OPTN: variants seen among roughly 807,000 people sequenced by gnomAD.
OPTN encodes the protein optineurin.
Under a neutral mutation model 70.4 loss-of-function variants are expected in OPTN, and 54 were observed. The observed-to-expected ratio is 0.77, with a 90% confidence interval of 0.62 to 0.96. The LOEUF is 0.96. OPTN is among the 40% of genes least tolerant of loss of function. OPTN has a pLI of 0.00. For synonymous variants in OPTN, 256 were observed against 248.5 expected, an observed-to-expected ratio of 1.03 and a Z score of -0.28; for missense variants, 624 against 673.2, an observed-to-expected ratio of 0.93 and a Z score of 0.81.
At chr10:13,115,255 A>G (rs1158165593) in intron 5 of OPTN, among the ~76,000 whole-genome samples, 1 of 107,972 alleles carries the variant, frequency 9.3e-6, no homozygotes. Context: ...ATCTATATTT[A>G]TATCTATATT....
intron 1 of OPTN, among the ~76,000 whole-genome samples, chr10:13,102,817 C>T (rs1442287345): frequency 6.6e-6 from 1 of 152,070 alleles, no homozygotes; most frequent in African/African-American, 2.4e-5. Context: ...GTGGCATGCA[C>T]CTGTAATCCC....
intron 1 of OPTN, among the ~76,000 whole-genome samples, chr10:13,105,058 C>G (rs1435307949): frequency 6.6e-6 from 1 of 151,988 alleles, no homozygotes; most frequent in Non-Finnish European, 1.5e-5. Flanking sequence ...CCTTGGCTTC[C>G]CAAAGTGCTG....
At position 13,137,159 on chromosome 10, in the gene OPTN, G is replaced by A; in HGVS notation, c.*293G>A. The A allele has an allele frequency of 2.3e-6, 1 of 442,622 alleles. No homozygotes were observed. Among genetic ancestry groups the A allele is most frequent in the Non-Finnish European group, 4.2e-6 (1 of 235,742 alleles). The allele number at this position is 442,622 out of a possible 1,614,324, so 27.4% of individuals were successfully genotyped here. Reference sequence around the variant, plus strand: ...CCGAGCATGGTGGCGCATGCCTGTAGTCGCAGCTACTCGCGAGGTTGAGGC... The same window carrying A: ...CCGAGCATGGTGGCGCATGCCTGTAATCGCAGCTACTCGCGAGGTTGAGGC... On this transcript the variant is annotated 3_prime_UTR_variant, in exon 15 of 15. Transcript: ENST00000378747.
intron 5 of OPTN, among the ~76,000 whole-genome samples, chr10:13,113,026 T>C (rs1230639110): frequency 1.3e-5 from 2 of 152,072 alleles, no homozygotes; most frequent in Non-Finnish European, 2.9e-5. Context: ...AACAGAACCC[T>C]CTTTTTTTGT....
Position 13,125,506 on chromosome 10 carries a change from C to A in OPTN, c.1087C>A (p.Leu363Ile). ...TGTTTATACTAACAAAAAGTTAGAG[C>A]TACAAGTGGAAAGCATGCTATCAGA... ...ELVYTNKKLE[L>I]QVESMLSEIK... is the part of the protein sequence containing the mutation. The change falls in exon 10 of 15, where the codon CTA becomes ATA. Residue 363 changes from leucine (L) to isoleucine (I), a missense_variant. Coordinates refer to ENST00000378747, the MANE Select transcript of OPTN (RefSeq NM_001008212.2). The A allele has an allele frequency of 6.2e-7, 1 of 1,613,990 alleles. No individual in the cohort carries two copies. The highest frequency in any genetic ancestry group is 2.2e-5 in the East Asian group (1 of 44,872).
rs113811959 is a variant in OPTN, at chr10:13,112,572, A to T, written c.489A>T (p.Glu163Asp). 7 of 1,614,006 alleles carry T rather than the reference A, an allele frequency of 4.3e-6. No individual in the cohort carries two copies. Among genetic ancestry groups the T allele is most frequent in the African/African-American group, 1.3e-5 (1 of 74,902 alleles). The change falls in exon 5 of 15, where the codon GAA becomes GAT. Residue 163 changes from glutamate (E) to aspartate (D), a missense_variant. Physicochemically the swap from Glu to Asp is conservative, Grantham distance 45 (BLOSUM62 2). Coordinates refer to ENST00000378747, the MANE Select transcript of OPTN (RefSeq NM_001008212.2). Reference sequence around the variant, plus strand: ...CAGACCTGTTGGGCATCGTGTCTGAACTGCAGCTCAAGCTGAACTCCAGCG... The same window carrying T: ...CAGACCTGTTGGGCATCGTGTCTGATCTGCAGCTCAAGCTGAACTCCAGCG... The part of the protein sequence containing the change: ...EKADLLGIVS[E>D]LQLKLNSSGS...
At position 13,114,323 on chromosome 10, in the gene OPTN, A is replaced by T. The variant is rs1833074685; in HGVS notation, c.552+1688A>T. Among the ~76,000 whole-genome samples, 3 of 152,156 alleles carry T rather than the reference A, an allele frequency of 2.0e-5. No homozygotes were observed. In the South Asian group the frequency reaches 6.2e-4, roughly 32 times the overall value. ...CCAAAATCAAGATAATTAAAATGTCAATTGAAAAGCGTATTTTGCCAGAGT... is the reference window on the plus strand; with the variant it reads ...CCAAAATCAAGATAATTAAAATGTCTATTGAAAAGCGTATTTTGCCAGAGT... On this transcript the variant is annotated intron_variant, in intron 5 of 14. Coordinates refer to ENST00000378747, the MANE Select transcript of OPTN (RefSeq NM_001008212.2).
rs1407201523 is a variant in OPTN, at chr10:13,112,461, T to G, written c.378T>G (p.Thr126=). 6.2e-7 allele frequency: 1 copy of G among 1,614,006 alleles called. No homozygotes were observed. Among genetic ancestry groups the G allele is most frequent in the Non-Finnish European group, 8.5e-7 (1 of 1,180,002 alleles). The part of the protein sequence containing the change: ...GKSERSSEDP[T]DDSRLPRAEA... ...CTCCTTGTCATCTCCAGGACCCCAC[T>G]GATGACTCCAGGCTTCCCAGGGCCG... The change falls in exon 5 of 15, where the codon ACT becomes ACG. Residue 126 remains threonine, a synonymous_variant. Transcript: ENST00000378747.
intron 5 of OPTN, among the ~76,000 whole-genome samples, chr10:13,113,402 G>A (rs1195748584): frequency 6.6e-6 from 1 of 152,202 alleles, no homozygotes; most frequent in East Asian, 1.9e-4. Context: ...AAAAGAAAGA[G>A]CAGAACTGCT....
In OPTN at chr10:13,114,248, A is replaced by C. The variant is rs571586582; in HGVS notation, c.552+1613A>C. Among the ~76,000 whole-genome samples the C allele has an allele frequency of 2.6e-5, 4 of 152,254 alleles. No homozygotes were observed. In the South Asian group the frequency reaches 8.3e-4, roughly 32 times the overall value. ...TTTATTTGCTGCAATAGAGTTAGGA[A>C]ACAGCTCTGAATAACCCTGCCATCC... On this transcript the variant is annotated intron_variant, in intron 5 of 14. Transcript: ENST00000378747.
intron 14 of OPTN, among the ~76,000 whole-genome samples, chr10:13,135,735 T>C (rs1325667623): frequency 6.6e-6 from 1 of 152,198 alleles, no homozygotes; most frequent in Non-Finnish European, 1.5e-5. Flanking sequence ...AGACCTCTCC[T>C]GGGCTCTGTG....
chr10:13,128,233 T>C (rs1401163609), intron 12 of OPTN, among the ~76,000 whole-genome samples: 2 of 152,176 alleles, frequency 1.3e-5, no homozygotes, highest in Non-Finnish European at 2.9e-5. Flanking sequence ...GATCATAGGC[T>C]CTGCATGTTA....
intron 13 of OPTN, 95 bp downstream of exon 13, chr10:13,132,292 T>A: frequency 6.9e-7 from 1 of 1,453,928 alleles, no homozygotes; most frequent in South Asian, 1.2e-5. Context: ...ACTATAAGAA[T>A]AGCTGTGTTC....
intron 4 of OPTN, among the ~76,000 whole-genome samples, chr10:13,111,492 G>A (rs955319511): frequency 3.3e-5 from 5 of 151,954 alleles, no homozygotes; most frequent in Non-Finnish European, 7.4e-5. Context: ...GAGGTGAGGA[G>A]TTCGAGACCA....
intron 2 of OPTN, chr10:13,108,896 G>GCACACATGCGCGTGCACACACACA: frequency 1.8e-6 from 1 of 542,438 alleles, no homozygotes. Flanking sequence ...ACACACACAT[G>GCACACATGCGCGTGCACACACACA]CACACATGCG....
chr10:13,128,348 T>C (rs530824597), intron 12 of OPTN, among the ~76,000 whole-genome samples: 12 of 152,206 alleles, frequency 7.9e-5, no homozygotes, highest in African/African-American at 2.9e-4. Flanking sequence ...CCAACACTTC[T>C]ATTATCAGTC....
Position 13,117,370 on chromosome 10 carries a change from G to A in OPTN, c.626+1030G>A, listed in dbSNP as rs546662615. Among the ~76,000 whole-genome samples, 18 of 148,028 alleles carry A rather than the reference G, an allele frequency of 1.2e-4. No homozygotes were observed. The Middle Eastern group carries it at 0.015, about 121-fold the overall frequency. ...GCTGGGATTACAGGCATGAGCCACC[G>A]CGCCCGGCCAGGATCTCTTATCTCA... On this transcript the variant is annotated intron_variant, in intron 6 of 14. Coordinates refer to ENST00000378747, the MANE Select transcript of OPTN (RefSeq NM_001008212.2).
At chr10:13,117,451 T>TG (rs1289171920) in intron 6 of OPTN, among the ~76,000 whole-genome samples, 1 of 44,610 alleles carries the variant, frequency 2.2e-5, no homozygotes, top group African/African-American at 6.2e-5. Flanking sequence ...TTTTTTTTTT[T>TG]TTTTTTTTTT....
chr10:13,128,461 T>C (rs1230500555), intron 12 of OPTN, among the ~76,000 whole-genome samples: 1 of 142,742 alleles, frequency 7.0e-6, no homozygotes, highest in Non-Finnish European at 1.5e-5. Context: ...GTTTTTGGCC[T>C]TTGAGGTATC....
Sources: gnomAD v4.1 joint callset for allele counts (sites outside exome capture counted in the v4.1 genomes callset) on GRCh38, gnomAD v4.1.1 for gene constraint, MANE v1.5 for transcripts, NCBI Gene and HGNC (gene_info 2026-07-23, HGNC 2026-07-21) for gene names.